Variants in PHLPP1 observed in about 807,000 individuals in gnomAD.
The protein encoded by PHLPP1 is PH domain leucine-rich repeat-containing protein phosphatase 1.
Under a neutral mutation model 117.2 loss-of-function variants are expected in PHLPP1, and 42 were observed. That is an observed-to-expected ratio of 0.36 (90% CI 0.28 to 0.46). The LOEUF (loss-of-function observed/expected upper bound fraction) is 0.46. PHLPP1 is among the 20% of genes least tolerant of loss of function. The pLI is 1.00. For missense variants in PHLPP1, 2,084 were observed against 2,241.9 expected, an observed-to-expected ratio of 0.93 and a Z score of 1.42; for synonymous variants, 1,042 against 970.7, an observed-to-expected ratio of 1.07 and a Z score of -1.37.
At chr18:62,889,847 C>G (rs1877157455) in intron 4 of PHLPP1, among the ~76,000 whole-genome samples, 1 of 152,206 alleles carries the variant, frequency 6.6e-6, no homozygotes. Flanking sequence ...GTTATCAGTT[C>G]TAAAAAGTTA....
At chr18:62,792,097 C>G (rs888428331) in intron 1 of PHLPP1, among the ~76,000 whole-genome samples, 1 of 152,090 alleles carries the variant, frequency 6.6e-6, no homozygotes, top group Non-Finnish European at 1.5e-5. Flanking sequence ...GTGACTAAAT[C>G]AAACTCCTCT....
chr18:62,877,921 A>G (rs1039269588), intron 4 of PHLPP1, among the ~76,000 whole-genome samples: 1 of 152,222 alleles, frequency 6.6e-6, no homozygotes, highest in African/African-American at 2.4e-5. Context: ...AGGCTATATT[A>G]AATTAGTTTG....
At chr18:62,821,374 C>T (rs917903691) in intron 1 of PHLPP1, among the ~76,000 whole-genome samples, 1 of 151,226 alleles carries the variant, frequency 6.6e-6, no homozygotes, top group African/African-American at 2.4e-5. Flanking sequence ...CATGGCGAAA[C>T]CCTGTCTCTA....
intron 4 of PHLPP1, among the ~76,000 whole-genome samples, chr18:62,866,925 C>T (rs1383311492): frequency 6.6e-6 from 1 of 152,212 alleles, no homozygotes; most frequent in Non-Finnish European, 1.5e-5. Flanking sequence ...CAACCCTCAC[C>T]TGGTCTGTTG....
At chr18:62,916,942 C>T (rs181798554) in intron 9 of PHLPP1, among the ~76,000 whole-genome samples, 5 of 149,728 alleles carry the variant, frequency 3.3e-5, no homozygotes, top group African/African-American at 9.7e-5. Flanking sequence ...TTAGTAGAGA[C>T]GGGGTTTCAC....
chr18:62,969,557 G>GTCT (rs775540163), intron 14 of PHLPP1, among the ~76,000 whole-genome samples: 2 of 152,116 alleles, frequency 1.3e-5, no homozygotes, highest in Non-Finnish European at 2.9e-5. Context: ...CCAGTTTTCT[G>GTCT]TCTTCTTCTT....
intron 3 of PHLPP1, chr18:62,839,166 T>G: frequency 2.8e-6 from 1 of 360,244 alleles, no homozygotes; most frequent in Non-Finnish European, 5.1e-6. Flanking sequence ...TATCTTAATG[T>G]TGTAGATAAA....
chr18:62,944,813 C>G (rs1475874837), intron 11 of PHLPP1, among the ~76,000 whole-genome samples: 1 of 152,160 alleles, frequency 6.6e-6, no homozygotes, highest in Non-Finnish European at 1.5e-5. Context: ...TCAGACCAAG[C>G]TATACAGTAA....
chr18:62,945,298 A>C (rs1910248540), intron 12 of PHLPP1, 27 bp downstream of exon 12: 4 of 1,566,848 alleles, frequency 2.6e-6, no homozygotes, highest in African/African-American at 1.4e-5. Context: ...CATAAACTCT[A>C]AGCTTCAGGT....
At chr18:62,728,754 G>A (rs1762741616) in intron 1 of PHLPP1, among the ~76,000 whole-genome samples, 1 of 152,046 alleles carries the variant, frequency 6.6e-6, no homozygotes, top group African/African-American at 2.4e-5. Flanking sequence ...TGATCTGCCC[G>A]CCTCGGCCTC....
intron 6 of PHLPP1, among the ~76,000 whole-genome samples, chr18:62,898,885 G>A (rs950640420): frequency 1.1e-4 from 16 of 148,298 alleles, no homozygotes; most frequent in South Asian, 4.3e-4. Context: ...TGCAACCTCC[G>A]CTTCCCAGAT....
chr18:62,916,747 C>CTTTTTTTT lies in PHLPP1; in HGVS notation c.2804+1756_2804+1763dup, dbSNP rs10538704. ...TTCTTCTATTTTCTTTCCTTCTATT[C>CTTTTTTTT]TTTTTTTTTTTTTTTTTTTTTTTTG... On this transcript the variant is annotated intron_variant, in intron 9 of 16. Coordinates refer to ENST00000262719, the MANE Select transcript of PHLPP1 (RefSeq NM_194449.4). Among the ~76,000 whole-genome samples the CTTTTTTTT allele has an allele frequency of 3.7e-3, 263 of 71,088 alleles. 3 individuals are homozygous for CTTTTTTTT. The highest frequency in any genetic ancestry group is 4.1e-3 in the Admixed American group (18 of 4,378). The allele number at this position is 71,088 out of a possible 152,430, so 46.6% of individuals were successfully genotyped here.
chr18:62,835,845 A>G (rs555078475), intron 2 of PHLPP1, among the ~76,000 whole-genome samples: 2 of 144,800 alleles, frequency 1.4e-5, no homozygotes, highest in African/African-American at 5.2e-5. Context: ...CACTGGCACA[A>G]TATCAGCTCA....
intron 3 of PHLPP1, chr18:62,843,182 T>C (rs1205378350): frequency 6.6e-6 from 1 of 152,196 alleles, no homozygotes; most frequent in Non-Finnish European, 1.5e-5. Flanking sequence ...ATGGATAGTC[T>C]TTACATCTTG....
rs1238195636 is a variant in PHLPP1, at chr18:62,878,769, C to T, written c.2067-16242C>T. Among the ~76,000 whole-genome samples, 4 of 151,702 alleles carry T rather than the reference C, an allele frequency of 2.6e-5. No individual in the cohort carries two copies. The East Asian group carries it at 7.7e-4, about 29-fold the overall frequency. On this transcript the variant is annotated intron_variant, in intron 4 of 16. Coordinates refer to ENST00000262719, the MANE Select transcript of PHLPP1 (RefSeq NM_194449.4). ...AACTTTGTCAGAATGCATATTTATA[C>T]TCCTCATATTGTGTGTGTGTGTGTG...
intron 12 of PHLPP1, among the ~76,000 whole-genome samples, chr18:62,956,054 AAG>A (rs1910602386): frequency 2.6e-5 from 4 of 152,228 alleles, no homozygotes; most frequent in Admixed American, 2.6e-4. Context: ...CAAAGCAAAA[AAG>A]AGATGACTGT....
At chr18:62,903,582 A>G (rs1186018844) in intron 7 of PHLPP1, among the ~76,000 whole-genome samples, 3 of 152,026 alleles carry the variant, frequency 2.0e-5, no homozygotes, top group Admixed American at 1.3e-4. Flanking sequence ...ATGTTTGACT[A>G]ACAAAGAACT....
At chr18:62,761,244 A>G (rs562569704) in intron 1 of PHLPP1, among the ~76,000 whole-genome samples, 16 of 152,304 alleles carry the variant, frequency 1.1e-4, no homozygotes, top group African/African-American at 3.4e-4. Context: ...ACTTAAAAGC[A>G]TTGCAGCATC....
chr18:62,939,606 A>G (rs570138753), intron 10 of PHLPP1, among the ~76,000 whole-genome samples: 111 of 147,036 alleles, frequency 7.5e-4, no homozygotes, highest in African/African-American at 2.7e-3. Context: ...TCCCGTGACT[A>G]TTTATGGTCT....
Sources: gnomAD v4.1 joint callset for allele counts (sites outside exome capture counted in the v4.1 genomes callset) on GRCh38, gnomAD v4.1.1 for gene constraint, MANE v1.5 for transcripts, NCBI Gene and HGNC (gene_info 2026-07-23, HGNC 2026-07-21) for gene names.